The following SLC15A5 variants were observed in gnomAD, a reference collection of about 807,000 sequenced individuals.
The protein encoded by SLC15A5 is Peptide/histidine transporter ENSP00000340402.
A neutral mutation model predicts 56.1 loss-of-function variants in SLC15A5; 58 were observed. The observed-to-expected ratio is 1.03, with a 90% confidence interval of 0.84 to 1.29. The LOEUF is 1.29. Ranked by LOEUF, SLC15A5 falls within the 50% of genes most tolerant of loss-of-function variation. SLC15A5 has a pLI of 0.00. For missense variants in SLC15A5, 681 were observed against 672.1 expected (o/e 1.01, Z -0.15); for synonymous variants, 264 against 250.5 (o/e 1.05, Z -0.51).
rs550738024 is a variant in SLC15A5, at chr12:16,196,362, A to G, written c.1484-1909T>C. On this transcript the variant is annotated intron_variant, in intron 7 of 8. Coordinates refer to ENST00000344941, the MANE Select transcript of SLC15A5 (RefSeq NM_001170798.1). This position sits in a 1 kb window ranked among gnomAD's most constrained non-coding sequence, Gnocchi z 4.0. ...TATTGGATATTGTGTAGCCTTTTTG[A>G]TGTGTATATGTGTGCTTTTGTGTGT... Among the ~76,000 whole-genome samples the G allele has an allele frequency of 1.3e-5, 2 of 151,736 alleles. No homozygotes were observed. The highest frequency in any genetic ancestry group is 3.9e-4 in the East Asian group (2 of 5,146).
At position 16,271,387 on chromosome 12, in the gene SLC15A5, C is replaced by T. The variant is rs761979701; in HGVS notation, c.584+1174G>A. The stretch of plus-strand genomic sequence containing the variant: ...GTTGCTAATTAAGGATTAAAACCTC[C>T]GAATAGAATAAAAAAGAAGGATTTT... On this transcript the variant is annotated intron_variant, in intron 2 of 8. Transcript: ENST00000344941. The surrounding 1 kb of genome is among the most constrained non-coding windows in gnomAD (Gnocchi z 8.0). 3.9e-5 allele frequency among the ~76,000 whole-genome samples: 6 copies of T among 152,066 alleles called. No homozygotes were observed. Among genetic ancestry groups the T allele is most frequent in the Admixed American group, 6.6e-5 (1 of 15,250 alleles).
At chr12:16,215,348 A>C (rs1160159002) in intron 7 of SLC15A5, among the ~76,000 whole-genome samples, 1 of 152,174 alleles carries the variant, frequency 6.6e-6, no homozygotes. Context: ...ACTGGTAGTA[A>C]TATTTGACTT....
chr12:16,208,992 T>C (rs1005201423), intron 7 of SLC15A5, among the ~76,000 whole-genome samples: 1 of 148,704 alleles, frequency 6.7e-6, no homozygotes, highest in Admixed American at 6.9e-5. Flanking sequence ...TTTCTTGTTC[T>C]TCAAAAGAGT....
intron 3 of SLC15A5, among the ~76,000 whole-genome samples, chr12:16,250,366 A>G (rs1246182873): frequency 6.6e-6 from 1 of 152,076 alleles, no homozygotes; most frequent in Non-Finnish European, 1.5e-5. Context: ...TCTAGTCTGC[A>G]AAAGGTGCCC....
chr12:16,277,659 A>G lies in SLC15A5; in HGVS notation c.27T>C (p.Thr9=), dbSNP rs768916977. 4.2e-5 allele frequency: 65 copies of G among 1,535,112 alleles called. No individual in the cohort carries two copies. The highest frequency in any genetic ancestry group is 5.9e-5 in the Admixed American group (3 of 50,906). Residue 9 remains threonine (T), a synonymous_variant, in exon 1 of 9, where the codon ACT becomes ACC. Coordinates refer to ENST00000344941, the MANE Select transcript of SLC15A5 (RefSeq NM_001170798.1). MSVTGFTI[T]DEKVHLYHSI... is the part of the protein sequence containing the mutation. ...TGTGATATAAGTGTACTTTCTCATCAGTTATGGTAAAGCCTGTAACAGACA... is the reference window on the plus strand; with the variant it reads ...TGTGATATAAGTGTACTTTCTCATCGGTTATGGTAAAGCCTGTAACAGACA...
chr12:16,269,257 G>C lies in SLC15A5; in HGVS notation c.584+3304C>G, dbSNP rs922288968. Among the ~76,000 whole-genome samples, 3 of 152,146 alleles carry C rather than the reference G, an allele frequency of 2.0e-5. No individual in the cohort carries two copies. Among genetic ancestry groups the C allele is most frequent in the African/African-American group, 7.2e-5 (3 of 41,410 alleles). ...GAAAATTCTGATCCAGGAGGTTCGAGGTGGGACCTGGGAAACATTTTCAAC... is the reference window on the plus strand; with the variant it reads ...GAAAATTCTGATCCAGGAGGTTCGACGTGGGACCTGGGAAACATTTTCAAC... On this transcript the variant is annotated intron_variant, in intron 2 of 8. Coordinates refer to ENST00000344941, the MANE Select transcript of SLC15A5 (RefSeq NM_001170798.1). This position sits in a 1 kb window ranked among gnomAD's most constrained non-coding sequence, Gnocchi z 4.7.
At position 16,190,689 on chromosome 12, in the gene SLC15A5, A is replaced by T. The variant is rs541617123; in HGVS notation, c.1593-874T>A. On this transcript the variant is annotated intron_variant, in intron 8 of 8. Coordinates refer to ENST00000344941, the MANE Select transcript of SLC15A5 (RefSeq NM_001170798.1). ...GTCAGTCATCTATTTTTGATTTGTGAAGGTTTCAAAAGTTAATTTTACCTT... is the reference window on the plus strand; with the variant it reads ...GTCAGTCATCTATTTTTGATTTGTGTAGGTTTCAAAAGTTAATTTTACCTT... Among the ~76,000 whole-genome samples the T allele has an allele frequency of 3.4e-3, 522 of 152,178 alleles. 5 individuals carry two copies. The highest frequency in any genetic ancestry group is 0.011 in the African/African-American group (474 of 41,542).
chr12:16,233,851 C>G (rs141874219), intron 5 of SLC15A5, among the ~76,000 whole-genome samples: 2 of 152,258 alleles, frequency 1.3e-5, no homozygotes, highest in East Asian at 3.9e-4. Flanking sequence ...CTAGATGATT[C>G]TTATACAAAT....
At chr12:16,231,973 G>T (rs1021609227) in intron 5 of SLC15A5, among the ~76,000 whole-genome samples, 2 of 152,132 alleles carry the variant, frequency 1.3e-5, no homozygotes, top group African/African-American at 4.8e-5. Context: ...TTGCCAAATG[G>T]CATTCTACAG....
intron 3 of SLC15A5, among the ~76,000 whole-genome samples, chr12:16,251,335 G>C (rs1223877721): frequency 6.6e-6 from 1 of 151,630 alleles, no homozygotes; most frequent in Non-Finnish European, 1.5e-5. Context: ...AAATAATAAA[G>C]ATTAGAGCAG....
chr12:16,195,121 C>T (rs1863880669), intron 7 of SLC15A5, among the ~76,000 whole-genome samples: 1 of 151,922 alleles, frequency 6.6e-6, no homozygotes, highest in Non-Finnish European at 1.5e-5. Flanking sequence ...ATATATGAAA[C>T]TATTCAAGGT....
intron 3 of SLC15A5, among the ~76,000 whole-genome samples, chr12:16,253,105 G>A (rs1001656282): frequency 6.6e-6 from 1 of 151,926 alleles, no homozygotes; most frequent in Non-Finnish European, 1.5e-5. Context: ...GAATGAAGTT[G>A]GATCCTTGCT....
At chr12:16,195,297 G>A (rs1435520109) in intron 7 of SLC15A5, among the ~76,000 whole-genome samples, 1 of 151,768 alleles carries the variant, frequency 6.6e-6, no homozygotes, top group Non-Finnish European at 1.5e-5. Context: ...AAATTTTGGG[G>A]TATTGTTTAA....
In SLC15A5 at chr12:16,277,488, G is replaced by A. The variant is rs949552648; in HGVS notation, c.198C>T (p.Pro66=). ...GATAGCCAAGCTTGATAGTGCAAAA[G>A]GGGATCATGTTGCAGACGACTTCAA... The part of the protein sequence containing the change: ...TFFEVVCNMI[P]FCTIKLGYHN... Residue 66 remains proline (P), a synonymous_variant, in exon 1 of 9, where the codon CCC becomes CCT. Coordinates refer to ENST00000344941, the MANE Select transcript of SLC15A5 (RefSeq NM_001170798.1). The A allele has an allele frequency of 8.5e-6, 13 of 1,536,434 alleles. No homozygotes were observed. The highest frequency in any genetic ancestry group is 2.4e-5 in the South Asian group (2 of 84,056).
At position 16,244,609 on chromosome 12, in the gene SLC15A5, GA is replaced by G. The variant is rs1170316585; in HGVS notation, c.945del (p.Gln316SerfsTer20). Reference protein sequence around the residue: ...FFLTLLPLFIFQLLYRMCIMQ... With the variant: ...FFLTLLPLFIXQLLYRMCIMQ... ...ATAATGCACATTCTGTATAGGAGCT[GA>G]AAAATGAAGAGAGGGAGAAGGGTGA... On this transcript the variant is annotated frameshift_variant, in exon 4 of 9. Transcript: ENST00000344941. LOFTEE classifies it high-confidence loss of function. The G allele has an allele frequency of 5.2e-6, 8 of 1,537,668 alleles. No individual in the cohort carries two copies. In the Admixed American group the frequency reaches 1.6e-4, roughly 30 times the overall value.
chr12:16,260,675 A>G (rs1244087152), intron 2 of SLC15A5, among the ~76,000 whole-genome samples: 4 of 151,880 alleles, frequency 2.6e-5, no homozygotes, highest in Non-Finnish European at 4.4e-5. Flanking sequence ...ATTTTAGTCT[A>G]TCAATTTTTA....
chr12:16,197,909 C>T (rs1192762504), intron 7 of SLC15A5, among the ~76,000 whole-genome samples: 1 of 152,078 alleles, frequency 6.6e-6, no homozygotes, highest in Non-Finnish European at 1.5e-5. Context: ...TCTGACATTT[C>T]CAGTAGCTGA....
Position 16,194,363 on chromosome 12 carries a change from A to T in SLC15A5, c.1574T>A (p.Phe525Tyr). ...ASLTLLNVLG[F>Y]CSVSQRYCNL... ...TACTTACCTTTGTGAAACACTGCAGAATCCCAGGACGTTCAACAATGTTAA... is the reference window on the plus strand; with the variant it reads ...TACTTACCTTTGTGAAACACTGCAGTATCCCAGGACGTTCAACAATGTTAA... The change falls in exon 8 of 9, where the codon TTC becomes TAC. Residue 525 changes from phenylalanine to tyrosine, a missense_variant. Physicochemically the swap from Phe to Tyr is conservative, Grantham distance 22. Coordinates refer to ENST00000344941, the MANE Select transcript of SLC15A5 (RefSeq NM_001170798.1). 1 of 1,533,562 alleles carries T rather than the reference A, an allele frequency of 6.5e-7. No homozygotes were observed. The highest frequency in any genetic ancestry group is 8.7e-7 in the Non-Finnish European group (1 of 1,144,172). 95.0% of individuals were successfully genotyped at this position (1,533,562 alleles called of 1,614,324 possible).
Position 16,195,492 on chromosome 12 carries a change from T to A in SLC15A5, c.1484-1039A>T, listed in dbSNP as rs530770595. On this transcript the variant is annotated intron_variant, in intron 7 of 8. Transcript: ENST00000344941. ...TAATTTAACTGTAGCTAGCTCTGAA[T>A]GAGTTGAATTTTTTTACTGTTATGC... is the stretch of plus-strand genomic sequence containing the variant. Among the ~76,000 whole-genome samples, 4 of 152,206 alleles carry A rather than the reference T, an allele frequency of 2.6e-5. No individual in the cohort carries two copies. The South Asian group carries it at 8.3e-4, about 32-fold the overall frequency.
Sources: gnomAD v4.1 joint callset for allele counts (sites outside exome capture counted in the v4.1 genomes callset) on GRCh38, gnomAD v4.1.1 for gene constraint, Gnocchi (gnomAD v3.1) non-coding constraint, MANE v1.5 for transcripts, NCBI Gene and HGNC (gene_info 2026-07-23, HGNC 2026-07-21) for gene names.